Variants in TDRD9 observed in about 807,000 individuals in gnomAD.
The protein encoded by TDRD9 is ATP-dependent RNA helicase TDRD9.
Under a neutral mutation model 172.6 loss-of-function variants are expected in TDRD9, and 124 were observed. The ratio of observed to expected loss-of-function variants is 0.72; its 90% CI spans 0.62 to 0.83. The LOEUF is 0.83. TDRD9 is among the 40% of genes least tolerant of loss of function. The pLI is 0.00. For missense variants in TDRD9, 1,479 were observed against 1,714.1 expected, an observed-to-expected ratio of 0.86 and a Z score of 2.42; for synonymous variants, 619 against 617.1, an observed-to-expected ratio of 1.00 and a Z score of -0.05.
At chr14:103,958,142 C>A (rs1206650492) in intron 2 of TDRD9, among the ~76,000 whole-genome samples, 1 of 152,286 alleles carries the variant, frequency 6.6e-6, no homozygotes, top group Middle Eastern at 3.4e-3. Context: ...TTTAGTCATC[C>A]AGTTACACAA....
At chr14:104,042,293 C>A in intron 34 of TDRD9, 106 bp downstream of exon 34, 1 of 773,446 alleles carries the variant, frequency 1.3e-6, no homozygotes, top group Non-Finnish European at 2.2e-6. Flanking sequence ...TATTGATCAC[C>A]TGAAGTGGAG....
chr14:103,968,539 C>A (rs189055513), intron 5 of TDRD9, among the ~76,000 whole-genome samples: 2 of 152,080 alleles, frequency 1.3e-5, no homozygotes, highest in Admixed American at 1.3e-4. Context: ...GTAATCCCAG[C>A]ACTTTGGGAG....
At position 103,997,398 on chromosome 14, in the gene TDRD9, A is replaced by G. The variant is rs1464027608; in HGVS notation, c.1379-1226A>G. Among the ~76,000 whole-genome samples the G allele has an allele frequency of 1.3e-5, 2 of 152,178 alleles. No homozygotes were observed. The highest frequency in any genetic ancestry group is 2.9e-5 in the Non-Finnish European group (2 of 68,032). On this transcript the variant is annotated intron_variant, in intron 12 of 35. Transcript: ENST00000409874. This position sits in a 1 kb window ranked among gnomAD's most constrained non-coding sequence, Gnocchi z 5.1. ...TGAGAGACACATTTGGTCGGCCTCT[A>G]GACATGTGGCCTGAGAGACTGGGAG...
At chr14:104,003,896 C>T (rs2034345760) in intron 13 of TDRD9, among the ~76,000 whole-genome samples, 2 of 152,084 alleles carry the variant, frequency 1.3e-5, no homozygotes, top group Non-Finnish European at 1.5e-5. Context: ...TGTGCATTTT[C>T]AAGAAGGGTG....
At chr14:103,951,503 A>AGG (rs1408880939) in intron 1 of TDRD9, among the ~76,000 whole-genome samples, 6 of 152,240 alleles carry the variant, frequency 3.9e-5, no homozygotes, top group Non-Finnish European at 8.8e-5. Context: ...GTACATAGAA[A>AGG]GGATATGGCT....
At chr14:104,044,451 CCT>C (rs2035705908) in intron 34 of TDRD9, among the ~76,000 whole-genome samples, 1 of 152,188 alleles carries the variant, frequency 6.6e-6, no homozygotes, top group African/African-American at 2.4e-5. Flanking sequence ...GAAAGTTCCC[CCT>C]GTCCATTTAC....
At position 103,958,958 on chromosome 14, in the gene TDRD9, T is replaced by C. The variant is rs73352465; in HGVS notation, c.322+3188T>C. On this transcript the variant is annotated intron_variant, in intron 2 of 35. Coordinates refer to ENST00000409874, the MANE Select transcript of TDRD9 (RefSeq NM_153046.3). Reference sequence around the variant, plus strand: ...GTTTTGGTCTTAATACTCAGAGCAGTGGGAAGGTATGAAAGTTTCCATGCT... The same window carrying C: ...GTTTTGGTCTTAATACTCAGAGCAGCGGGAAGGTATGAAAGTTTCCATGCT... Among the ~76,000 whole-genome samples, 1,506 of 152,276 alleles carry C rather than the reference T, an allele frequency of 9.9e-3. 31 individuals are homozygous for C. Among genetic ancestry groups the C allele is most frequent in the African/African-American group, 0.034 (1,417 of 41,564 alleles).
At chr14:104,042,222 C>T (rs2035631400) in intron 34 of TDRD9, 35 bp downstream of exon 34, 1 of 1,421,852 alleles carries the variant, frequency 7.0e-7, no homozygotes, top group Non-Finnish European at 9.9e-7. Context: ...TCTTTTCTTC[C>T]CAGTCAACTT....
At position 103,980,310 on chromosome 14, in the gene TDRD9, C is replaced by G. The variant is rs1186526322; in HGVS notation, c.1011+4757C>G. On this transcript the variant is annotated intron_variant, in intron 7 of 35. Transcript: ENST00000409874. The surrounding 1 kb of genome is among the most constrained non-coding windows in gnomAD (Gnocchi z 4.5). ...ATTTATTGGATACAAGACAAAGGGG[C>G]AGGGTAAGGAGTGTGAGCCATCTCC... Among the ~76,000 whole-genome samples, 1 of 152,000 alleles carries G rather than the reference C, an allele frequency of 6.6e-6. No homozygotes were observed. The highest frequency in any genetic ancestry group is 2.4e-5 in the African/African-American group (1 of 41,378).
At chr14:103,983,324 A>G (rs936804619) in intron 7 of TDRD9, among the ~76,000 whole-genome samples, 1 of 151,928 alleles carries the variant, frequency 6.6e-6, no homozygotes, top group South Asian at 2.1e-4. Context: ...CGACCTCCCA[A>G]AGTGCTAGGA....
intron 34 of TDRD9, among the ~76,000 whole-genome samples, chr14:104,047,474 A>G (rs2035813531): frequency 6.6e-6 from 1 of 152,198 alleles, no homozygotes; most frequent in South Asian, 2.1e-4. Flanking sequence ...ATATTAATAT[A>G]GCTACCCCAG....
At chr14:103,938,708 A>AT (rs1460163491) in intron 1 of TDRD9, among the ~76,000 whole-genome samples, 7 of 151,820 alleles carry the variant, frequency 4.6e-5, no homozygotes, top group African/African-American at 1.7e-4. Context: ...AAGTGCTGGG[A>AT]TTACAGGCGT....
chr14:103,971,052 C>T (rs940263746), intron 6 of TDRD9, among the ~76,000 whole-genome samples: 1 of 151,556 alleles, frequency 6.6e-6, no homozygotes, highest in Non-Finnish European at 1.5e-5. Context: ...GGCGTGATCT[C>T]GGCTCACTGC....
chr14:103,964,589 C>T (rs1341444155), intron 3 of TDRD9, among the ~76,000 whole-genome samples: 1 of 152,106 alleles, frequency 6.6e-6, no homozygotes, highest in African/African-American at 2.4e-5. Context: ...TGCAGTGGCA[C>T]GATCTTGGCT....
chr14:103,967,168 T>C (rs1189978215), intron 5 of TDRD9, among the ~76,000 whole-genome samples: 1 of 151,520 alleles, frequency 6.6e-6, no homozygotes, highest in African/African-American at 2.4e-5. Flanking sequence ...AAATAGGATT[T>C]GTGAGAGGTT....
intron 33 of TDRD9, among the ~76,000 whole-genome samples, chr14:104,041,747 G>A (rs1190275622): frequency 2.0e-5 from 3 of 152,174 alleles, no homozygotes; most frequent in African/African-American, 7.2e-5. Flanking sequence ...TGGTGGGAAT[G>A]CAGATTAGTA....
chr14:104,031,990 A>G, intron 29 of TDRD9, 27 bp from the exon 30 acceptor site: 1 of 1,493,760 alleles, frequency 6.7e-7, no homozygotes, highest in Non-Finnish European at 9.0e-7. Flanking sequence ...GCTTATTGGT[A>G]ACACTTCCTA....
At chr14:103,965,099 C>T (rs1172181058) in intron 3 of TDRD9, among the ~76,000 whole-genome samples, 1 of 151,968 alleles carries the variant, frequency 6.6e-6, no homozygotes, top group African/African-American at 2.4e-5. Flanking sequence ...GTAGTCCCAG[C>T]TACTTGAGAG....
At chr14:104,033,232 C>A (rs900424401) in intron 30 of TDRD9, among the ~76,000 whole-genome samples, 1 of 152,194 alleles carries the variant, frequency 6.6e-6, no homozygotes, top group Non-Finnish European at 1.5e-5. Context: ...ATGCCCAGGT[C>A]CCCTAGGGCC....
Sources: allele counts gnomAD v4.1 joint callset (sites outside exome capture counted in the v4.1 genomes callset), GRCh38; gene constraint gnomAD v4.1.1; non-coding constraint Gnocchi (gnomAD v3.1); transcripts MANE v1.5; gene names NCBI Gene and HGNC (gene_info 2026-07-23, HGNC 2026-07-21).